Variants in WASHC3 observed in about 807,000 individuals in gnomAD.
WASHC3 encodes the protein WASH complex subunit 3.
In WASHC3, 24 loss-of-function variants were observed where a neutral mutation model predicts 26.1. That is an observed-to-expected ratio of 0.92 (90% CI 0.66 to 1.29). WASHC3 has a LOEUF of 1.29. Among genes scored for constraint, WASHC3 ranks in the 50% most tolerant of loss-of-function variants. WASHC3 has a pLI of 0.00. For synonymous variants in WASHC3, 77 were observed against 75.7 expected, an observed-to-expected ratio of 1.02 and a Z score of -0.09; for missense variants, 214 against 229.6, an observed-to-expected ratio of 0.93 and a Z score of 0.44.
At chr12:102,026,601 G>C (rs2121352685) in intron 5 of WASHC3, among the ~76,000 whole-genome samples, 1 of 152,232 alleles carries the variant, frequency 6.6e-6, no homozygotes, top group African/African-American at 2.4e-5. Context: ...TTTTAGAAGT[G>C]TATACGTTGC....
At chr12:102,052,933 A>T (rs983674562) in intron 2 of WASHC3, among the ~76,000 whole-genome samples, 2 of 151,986 alleles carry the variant, frequency 1.3e-5, no homozygotes, top group Non-Finnish European at 2.9e-5. Flanking sequence ...CCCAGGCTGC[A>T]CACTTGCCCC....
At chr12:102,054,820 CA>C (rs1878529151) in intron 2 of WASHC3, among the ~76,000 whole-genome samples, 1 of 151,800 alleles carries the variant, frequency 6.6e-6, no homozygotes, top group African/African-American at 2.4e-5. Flanking sequence ...ACCAATAGGT[CA>C]AGTAAATTAA....
intron 2 of WASHC3, chr12:102,048,270 A>C (rs899642770): frequency 1.3e-5 from 2 of 151,852 alleles, no homozygotes; most frequent in South Asian, 2.1e-4. Flanking sequence ...GTTTAAAAAC[A>C]TAGTTAAAAA....
intron 2 of WASHC3, among the ~76,000 whole-genome samples, chr12:102,061,045 C>A (rs1878789226): frequency 6.6e-6 from 1 of 151,236 alleles, no homozygotes; most frequent in African/African-American, 2.4e-5. Context: ...ACAGGGACCT[C>A]TAGAACACTA....
chr12:102,042,243 T>A (rs991858738), intron 4 of WASHC3, among the ~76,000 whole-genome samples: 2 of 152,202 alleles, frequency 1.3e-5, no homozygotes, highest in African/African-American at 4.8e-5. Flanking sequence ...GCACATTTTA[T>A]ATATTTGAGT....
At chr12:102,058,066 C>A (rs1274192937) in intron 2 of WASHC3, among the ~76,000 whole-genome samples, 2 of 151,912 alleles carry the variant, frequency 1.3e-5, no homozygotes, top group African/African-American at 2.4e-5. Flanking sequence ...GAATAAAGAG[C>A]CCAGAAATAA....
intron 2 of WASHC3, among the ~76,000 whole-genome samples, chr12:102,060,117 T>G (rs1407809022): frequency 6.6e-6 from 1 of 152,242 alleles, no homozygotes; most frequent in African/African-American, 2.4e-5. Flanking sequence ...AAACTCTAAT[T>G]GCTAAGGCTA....
intron 6 of WASHC3, among the ~76,000 whole-genome samples, chr12:102,013,654 A>T (rs7971939): frequency 0.28 from 41,926 of 152,106 alleles, 6,233 homozygotes; most frequent in East Asian, 0.42. Context: ...AAAATGGCTA[A>T]TAAAAAAATA....
At chr12:102,060,305 C>CT (rs1565823177) in intron 2 of WASHC3, among the ~76,000 whole-genome samples, 1 of 152,166 alleles carries the variant, frequency 6.6e-6, no homozygotes, top group Non-Finnish European at 1.5e-5. Context: ...ACCTAATCCT[C>CT]TTTTTTAAAA....
intron 3 of WASHC3, among the ~76,000 whole-genome samples, chr12:102,044,981 A>G (rs950156427): frequency 6.6e-6 from 1 of 152,222 alleles, no homozygotes; most frequent in Non-Finnish European, 1.5e-5. Flanking sequence ...ACTAAGGTTA[A>G]CTTGTCCATA....
chr12:102,039,269 C>T (rs564809679), intron 5 of WASHC3, among the ~76,000 whole-genome samples: 1 of 151,746 alleles, frequency 6.6e-6, no homozygotes, highest in East Asian at 1.9e-4. Context: ...TGTCACTGCG[C>T]CAGGCTTTAA....
intron 6 of WASHC3, among the ~76,000 whole-genome samples, chr12:102,016,582 T>C (rs979669299): frequency 2.0e-5 from 3 of 152,182 alleles, no homozygotes; most frequent in Non-Finnish European, 4.4e-5. Flanking sequence ...GGGAGGTCCT[T>C]CAGGAGATAT....
chr12:102,017,672 G>A (rs1220824662), intron 6 of WASHC3: 9 of 345,754 alleles, frequency 2.6e-5, no homozygotes, highest in Admixed American at 4.2e-5. Context: ...AACCTTCCGA[G>A]GAACTGCCAA....
intron 6 of WASHC3, among the ~76,000 whole-genome samples, chr12:102,021,658 A>C (rs879069977): frequency 3.3e-5 from 5 of 152,202 alleles, no homozygotes; most frequent in Non-Finnish European, 5.9e-5. Flanking sequence ...AACAAAACGG[A>C]AACAGTAAAA....
chr12:102,042,021 A>G (rs1044608496), intron 4 of WASHC3, among the ~76,000 whole-genome samples: 1 of 152,142 alleles, frequency 6.6e-6, no homozygotes, highest in African/African-American at 2.4e-5. Context: ...TCATAATAGC[A>G]CCTGGAAAAA....
intron 5 of WASHC3, among the ~76,000 whole-genome samples, chr12:102,035,584 G>A (rs1225539187): frequency 2.6e-5 from 4 of 152,178 alleles, no homozygotes; most frequent in African/African-American, 9.7e-5. Context: ...ATTTTAAATT[G>A]ATAACTTGAA....
chr12:102,055,832 C>T (rs1878572470), intron 2 of WASHC3, among the ~76,000 whole-genome samples: 1 of 152,150 alleles, frequency 6.6e-6, no homozygotes, highest in Non-Finnish European at 1.5e-5. Context: ...GTTGGTGCCA[C>T]AGAGAATTTC....
intron 6 of WASHC3, among the ~76,000 whole-genome samples, chr12:102,014,851 C>G (rs1481527580): frequency 1.3e-5 from 2 of 152,174 alleles, no homozygotes; most frequent in African/African-American, 4.8e-5. Context: ...GTAAATTTCT[C>G]TTTGCTATAT....
At chr12:102,019,081 G>A (rs916173481) in intron 6 of WASHC3, among the ~76,000 whole-genome samples, 2 of 152,132 alleles carry the variant, frequency 1.3e-5, no homozygotes, top group African/African-American at 2.4e-5. Context: ...TTACAGGCAT[G>A]AGCCACCGCG....
Sources: allele counts gnomAD v4.1 joint callset (sites outside exome capture counted in the v4.1 genomes callset), GRCh38; gene constraint gnomAD v4.1.1; transcripts MANE v1.5; gene names NCBI Gene and HGNC (gene_info 2026-07-23, HGNC 2026-07-21).